The following ROBO2 variants were observed in gnomAD, a reference collection of about 807,000 sequenced individuals.
The protein encoded by ROBO2 is roundabout guidance receptor 2.
ROBO2 carries 53 observed loss-of-function variants against 160.8 expected under a neutral mutation model. The ratio of observed to expected loss-of-function variants is 0.33; its 90% confidence interval spans 0.26 to 0.41. The LOEUF is 0.41. Among genes scored for constraint, ROBO2 ranks in the 10% least tolerant of loss-of-function variants. The pLI is 1.00. For synonymous variants in ROBO2, 664 were observed against 611.7 expected (o/e 1.09, Z -1.26); for missense variants, 1,577 against 1,722.4 (o/e 0.92, Z 1.49).
chr3:77,128,406 C>T (rs545654448), intron 2 of ROBO2, among the ~76,000 whole-genome samples: 1 of 152,136 alleles, frequency 6.6e-6, no homozygotes, highest in Non-Finnish European at 1.5e-5. Flanking sequence ...GGTACTATCC[C>T]TGGTTTCAGA....
At chr3:76,941,653 T>C (rs2078196812) in intron 2 of ROBO2, among the ~76,000 whole-genome samples, 1 of 152,198 alleles carries the variant, frequency 6.6e-6, no homozygotes, top group African/African-American at 2.4e-5. Context: ...ACAGTCTGTG[T>C]AGTAGATACA....
intron 2 of ROBO2, among the ~76,000 whole-genome samples, chr3:76,787,434 CTACCTTAGTATTACTTATTCT>C (rs1331725289): frequency 6.6e-6 from 1 of 150,526 alleles, no homozygotes; most frequent in Non-Finnish European, 1.5e-5. Flanking sequence ...ATAGTTGTTC[CTACCTTAGTATTACTTATTCT>C]CACTAGAGGG....
At chr3:76,460,910 G>A (rs570581240) in intron 2 of ROBO2, among the ~76,000 whole-genome samples, 3 of 152,236 alleles carry the variant, frequency 2.0e-5, no homozygotes, top group South Asian at 4.1e-4. Flanking sequence ...GATAGCTGTC[G>A]ATTACTAAAT....
At chr3:76,737,612 T>C (rs2093734786) in intron 2 of ROBO2, among the ~76,000 whole-genome samples, 1 of 152,172 alleles carries the variant, frequency 6.6e-6, no homozygotes, top group Non-Finnish European at 1.5e-5. Flanking sequence ...TTTCCTTAGC[T>C]ATATAAAATT....
At chr3:76,427,898 C>T (rs1195357644) in intron 2 of ROBO2, among the ~76,000 whole-genome samples, 1 of 152,108 alleles carries the variant, frequency 6.6e-6, no homozygotes, top group East Asian at 1.9e-4. Flanking sequence ...TGCCTCTCTT[C>T]TCCAGTTTTA....
At chr3:76,555,094 G>T (rs985790333) in intron 2 of ROBO2, among the ~76,000 whole-genome samples, 1 of 151,852 alleles carries the variant, frequency 6.6e-6, no homozygotes, top group African/African-American at 2.4e-5. Flanking sequence ...ATAAATCAAG[G>T]TCAGTACTAT....
At chr3:76,952,319 T>C (rs937579624) in intron 2 of ROBO2, among the ~76,000 whole-genome samples, 3 of 152,130 alleles carry the variant, frequency 2.0e-5, no homozygotes, top group Non-Finnish European at 4.4e-5. Context: ...TTTTGCTCTT[T>C]TTGCCCAGGC....
chr3:77,350,215 C>T (rs1261447759), intron 2 of ROBO2, among the ~76,000 whole-genome samples: 1 of 151,482 alleles, frequency 6.6e-6, no homozygotes, highest in African/African-American at 2.4e-5. Flanking sequence ...TCAAGACCAG[C>T]CTGGGCAACA....
intron 2 of ROBO2, among the ~76,000 whole-genome samples, chr3:76,718,651 G>A (rs2093419738): frequency 1.3e-5 from 2 of 152,132 alleles, no homozygotes; most frequent in Admixed American, 6.5e-5. Context: ...TAGTGATGTA[G>A]GTCTGAAGAG....
chr3:76,100,512 T>A (rs1182412828), intron 2 of ROBO2, among the ~76,000 whole-genome samples: 1 of 152,228 alleles, frequency 6.6e-6, no homozygotes, highest in Non-Finnish European at 1.5e-5. Flanking sequence ...TAAATTTTAC[T>A]TAAAAAGTAT....
intron 2 of ROBO2, among the ~76,000 whole-genome samples, chr3:76,473,613 G>A (rs1014835471): frequency 6.6e-6 from 1 of 152,154 alleles, no homozygotes; most frequent in East Asian, 1.9e-4. Flanking sequence ...TAGAAAATCT[G>A]GTGAGGCGAT....
intron 2 of ROBO2, among the ~76,000 whole-genome samples, chr3:75,969,457 G>T (rs1217307527): frequency 6.6e-6 from 1 of 151,464 alleles, no homozygotes; most frequent in Non-Finnish European, 1.5e-5. Flanking sequence ...GAGTCATTCA[G>T]TAGCTCTATT....
intron 2 of ROBO2, among the ~76,000 whole-genome samples, chr3:76,381,731 C>A (rs1206830284): frequency 1.3e-5 from 2 of 152,118 alleles, no homozygotes; most frequent in African/African-American, 4.8e-5. Context: ...AATATTAAGT[C>A]ATTTCATTTC....
At chr3:76,365,912 C>T (rs775393639) in intron 2 of ROBO2, among the ~76,000 whole-genome samples, 1 of 152,022 alleles carries the variant, frequency 6.6e-6, no homozygotes, top group Non-Finnish European at 1.5e-5. Context: ...CTCTTCTGCT[C>T]AAAACATGGT....
chr3:76,471,360 C>T (rs1348333515), intron 2 of ROBO2, among the ~76,000 whole-genome samples: 2 of 152,094 alleles, frequency 1.3e-5, no homozygotes, highest in African/African-American at 2.4e-5. Flanking sequence ...TGTATCCCTT[C>T]ATTTTATGAG....
rs558948499 is a variant in ROBO2, at chr3:75,934,336, G to T, written c.-13-3145G>T. On this transcript the variant is annotated intron_variant, in intron 1 of 26. Coordinates refer to the ROBO2 transcript ENST00000487694. ...GTACAAGTAAAAGTACATACATAAA[G>T]TAGGCATTTAATATTTAATTTTTAT... Among the ~76,000 whole-genome samples the T allele has an allele frequency of 2.2e-4, 33 of 152,278 alleles. No homozygotes were observed. The South Asian group carries it at 6.4e-3, about 30-fold the overall frequency.
intron 2 of ROBO2, among the ~76,000 whole-genome samples, chr3:77,277,321 G>A (rs892397893): frequency 6.6e-6 from 1 of 151,138 alleles, no homozygotes; most frequent in African/African-American, 2.4e-5. Flanking sequence ...AAGTTCAGGT[G>A]TACATGTGCA....
At chr3:77,049,051 C>T (rs901318716) in intron 1 of ROBO2, among the ~76,000 whole-genome samples, 3 of 152,056 alleles carry the variant, frequency 2.0e-5, no homozygotes, top group East Asian at 3.9e-4. Context: ...AGCCTGGGCT[C>T]GGCGCAGTGG....
chr3:77,153,351 A>G (rs1026576155), intron 2 of ROBO2, among the ~76,000 whole-genome samples: 1 of 152,080 alleles, frequency 6.6e-6, no homozygotes, highest in Non-Finnish European at 1.5e-5. Flanking sequence ...AATATGTTCC[A>G]TGAATGAAAT....
Sources: allele counts gnomAD v4.1 joint callset (sites outside exome capture counted in the v4.1 genomes callset), GRCh38; gene constraint gnomAD v4.1.1; transcripts MANE v1.5; gene names NCBI Gene and HGNC (gene_info 2026-07-23, HGNC 2026-07-21).